The following IQCK variants were observed in gnomAD, a reference collection of about 807,000 sequenced individuals.
IQCK encodes IQ domain-containing protein K.
A neutral mutation model predicts 28.1 loss-of-function variants in IQCK; 29 were observed. That is an observed-to-expected ratio of 1.03 (90% CI 0.77 to 1.41). The LOEUF (loss-of-function observed/expected upper bound fraction) is 1.41, where lower values mean the gene tolerates loss of function less well. Ranked by LOEUF, IQCK falls within the 40% of genes most tolerant of loss-of-function variation. IQCK has a pLI of 0.00. For missense variants in IQCK, 359 were observed against 314.7 expected (o/e 1.14, Z -1.07); for synonymous variants, 113 against 115.1 (o/e 0.98, Z 0.12).
At chr16:19,808,701 A>T (rs1177086217) in intron 7 of IQCK, among the ~76,000 whole-genome samples, 1 of 152,188 alleles carries the variant, frequency 6.6e-6, no homozygotes, top group African/African-American at 2.4e-5. Context: ...GTGATTAAGA[A>T]TTTCTAGATA....
At chr16:19,828,767 C>T (rs1337192640), downstream of IQCK, among the ~76,000 whole-genome samples, 3 of 148,774 alleles carry the variant, frequency 2.0e-5, no homozygotes, top group Non-Finnish European at 4.4e-5. Context: ...ATCCCAGCTA[C>T]TTGAACCCAG....
chr16:19,839,018 CAAAAAA>C (rs71146274), intron 9 of IQCK, among the ~76,000 whole-genome samples: 1 of 42,580 alleles, frequency 2.3e-5, no homozygotes, highest in African/African-American at 8.2e-5. Context: ...GACTCCATAG[CAAAAAA>C]AAAAAAAAAA....
intron 9 of IQCK, among the ~76,000 whole-genome samples, chr16:19,848,208 G>A (rs2056436162): frequency 6.6e-6 from 1 of 152,180 alleles, no homozygotes; most frequent in South Asian, 2.1e-4. Context: ...GGTGTGTGGT[G>A]GCTGTCTCAT....
At chr16:19,786,162 G>T (rs954671639) in intron 6 of IQCK, among the ~76,000 whole-genome samples, 1 of 152,180 alleles carries the variant, frequency 6.6e-6, no homozygotes, top group Non-Finnish European at 1.5e-5. Flanking sequence ...ATTTTAACTA[G>T]TGAAGGGAAA....
At chr16:19,856,798 T>C (rs1310776737) in exon 10 of IQCK, 1 of 478,844 alleles carries the variant, frequency 2.1e-6, no homozygotes, top group African/African-American at 2.0e-5. Context: ...ACTTCTTCAG[T>C]GCCTCAGGAG....
intron 4 of IQCK, among the ~76,000 whole-genome samples, chr16:19,752,577 T>C (rs1385291094): frequency 6.6e-6 from 1 of 152,192 alleles, no homozygotes; most frequent in Non-Finnish European, 1.5e-5. Flanking sequence ...ATATTACTTA[T>C]TTATTTTTTG....
At chr16:19,775,623 A>G (rs1454210741) in intron 6 of IQCK, among the ~76,000 whole-genome samples, 1 of 152,206 alleles carries the variant, frequency 6.6e-6, no homozygotes, top group Non-Finnish European at 1.5e-5. Context: ...ACAACAGCTT[A>G]CTTCTTGCTC....
Position 19,780,755 on chromosome 16 carries a change from C to T in IQCK, c.606-8083C>T, listed in dbSNP as rs1292970412. ...GTCACATTACAGTTGTTGCAGAGAT[C>T]GAGAAATACCATTTACACTTGTCAC... On this transcript the variant is annotated intron_variant, in intron 6 of 7. Transcript: ENST00000564186. Among the ~76,000 whole-genome samples the T allele has an allele frequency of 2.6e-5, 4 of 152,108 alleles. No individual in the cohort carries two copies. In the South Asian group the frequency reaches 6.2e-4, roughly 24 times the overall value.
chr16:19,819,240 T>C (rs1478672337), intron 7 of IQCK, among the ~76,000 whole-genome samples: 3 of 151,968 alleles, frequency 2.0e-5, no homozygotes, highest in South Asian at 4.2e-4. Flanking sequence ...CGCCTGTAAT[T>C]CCAGCACTTT....
chr16:19,753,074 G>A (rs2055008329), intron 4 of IQCK, among the ~76,000 whole-genome samples: 1 of 151,904 alleles, frequency 6.6e-6, no homozygotes, highest in South Asian at 2.1e-4. Context: ...GAGAGAGAGA[G>A]TCTCTCCCAG....
chr16:19,814,190 A>T (rs1366756767), intron 7 of IQCK, among the ~76,000 whole-genome samples: 1 of 144,976 alleles, frequency 6.9e-6, no homozygotes, highest in Non-Finnish European at 1.5e-5. Flanking sequence ...ATTGCACTCC[A>T]GCCTGGGCAA....
At chr16:19,777,927 C>A (rs909877955) in intron 6 of IQCK, among the ~76,000 whole-genome samples, 3 of 152,144 alleles carry the variant, frequency 2.0e-5, no homozygotes, top group Admixed American at 1.3e-4. Context: ...GTGGTGCACA[C>A]CTGTAGTTCC....
intron 2 of IQCK, 75 bp downstream of exon 2, chr16:19,730,569 C>A: frequency 8.4e-7 from 1 of 1,190,522 alleles, no homozygotes; most frequent in Non-Finnish European, 1.2e-6. Flanking sequence ...GTGAATGTCA[C>A]ACAGTGTCAC....
chr16:19,761,795 T>A, intron 4 of IQCK: 1 of 185,126 alleles, frequency 5.4e-6, no homozygotes, highest in South Asian at 1.2e-4. Flanking sequence ...GCTGCCTGTA[T>A]TGAAAACTCA....
At chr16:19,739,882 A>T (rs571201168) in intron 4 of IQCK, among the ~76,000 whole-genome samples, 1 of 152,080 alleles carries the variant, frequency 6.6e-6, no homozygotes, top group Non-Finnish European at 1.5e-5. Context: ...CATCCTATGC[A>T]CCATCTTGTT....
At chr16:19,742,597 C>T (rs1183017119) in intron 4 of IQCK, among the ~76,000 whole-genome samples, 1 of 152,166 alleles carries the variant, frequency 6.6e-6, no homozygotes, top group Admixed American at 6.5e-5. Context: ...TATCTGTCAC[C>T]CACAACTGAA....
chr16:19,745,056 C>G (rs1211362372), intron 4 of IQCK, among the ~76,000 whole-genome samples: 1 of 152,150 alleles, frequency 6.6e-6, no homozygotes, highest in East Asian at 1.9e-4. Context: ...CCTTTGCTCT[C>G]CTATATTTAA....
intron 4 of IQCK, among the ~76,000 whole-genome samples, chr16:19,759,778 G>A (rs551083867): frequency 1.4e-4 from 21 of 152,270 alleles, no homozygotes; most frequent in Admixed American, 1.2e-3. Flanking sequence ...AAGAGATTGA[G>A]ACCAGCTTAG....
At chr16:19,773,735 T>G (rs919833808) in intron 6 of IQCK, among the ~76,000 whole-genome samples, 1 of 152,226 alleles carries the variant, frequency 6.6e-6, no homozygotes, top group Non-Finnish European at 1.5e-5. Context: ...GGTTTGTTGA[T>G]TCCCTGTTTC....
Sources: gnomAD v4.1 joint callset for allele counts (sites outside exome capture counted in the v4.1 genomes callset) on GRCh38, gnomAD v4.1.1 for gene constraint, MANE v1.5 for transcripts, NCBI Gene and HGNC (gene_info 2026-07-23, HGNC 2026-07-21) for gene names.